Variants in FAT1 observed in about 807,000 individuals in gnomAD.
The protein encoded by FAT1 is FAT atypical cadherin 1.
FAT1 carries 171 observed loss-of-function variants against 329.8 expected under a neutral mutation model. That is an observed-to-expected ratio of 0.52 (90% CI 0.46 to 0.59). The LOEUF (loss-of-function observed/expected upper bound fraction) is 0.59, where lower values mean the gene tolerates loss of function less well. FAT1 is among the 20% of genes least tolerant of loss of function. The pLI is 0.00. For missense variants in FAT1, 5,672 were observed against 5,774.4 expected (o/e 0.98, Z 0.57); for synonymous variants, 2,233 against 2,228.6 (o/e 1.00, Z -0.06).
chr4:186,608,040 C>T (rs1739229783), intron 16 of FAT1, among the ~76,000 whole-genome samples: 1 of 152,202 alleles, frequency 6.6e-6, no homozygotes, highest in Admixed American at 6.5e-5. Flanking sequence ...ATTAGCCTCT[C>T]CCATCCCTTA....
chr4:186,614,056 T>C, intron 12 of FAT1, 135 bp downstream of exon 12: 1 of 677,562 alleles, frequency 1.5e-6, no homozygotes. Flanking sequence ...TTCTAAGAGA[T>C]GTCAACTTCG....
At chr4:186,693,468 C>T (rs1025782932) in intron 2 of FAT1, among the ~76,000 whole-genome samples, 2 of 114,404 alleles carry the variant, frequency 1.7e-5, no homozygotes, top group African/African-American at 7.5e-5. Flanking sequence ...CCCAGAACCC[C>T]GAGACCACCA....
At chr4:186,654,577 G>A (rs976595618) in intron 3 of FAT1, among the ~76,000 whole-genome samples, 16 of 152,054 alleles carry the variant, frequency 1.1e-4, no homozygotes, top group Non-Finnish European at 2.4e-4. Context: ...TAATGAGATG[G>A]GATTTTGAGT....
intron 3 of FAT1, among the ~76,000 whole-genome samples, chr4:186,662,930 G>A (rs539632634): frequency 3.9e-5 from 6 of 151,906 alleles, no homozygotes; most frequent in African/African-American, 1.2e-4. Context: ...TCCGCCCCCC[G>A]GGTTCACGCC....
intron 26 of FAT1, among the ~76,000 whole-genome samples, chr4:186,595,109 A>C (rs1738436679): frequency 6.6e-6 from 1 of 152,176 alleles, no homozygotes; most frequent in Non-Finnish European, 1.5e-5. Context: ...CCACTGTTAA[A>C]CTTTCTTCAT....
chr4:186,709,276 A>C lies in FAT1; in HGVS notation c.552T>G (p.Phe184Leu), dbSNP rs1184682353. The change falls in exon 2 of 27, where the codon TTT becomes TTG. Residue 184 changes from phenylalanine (F) to leucine (L), a missense_variant. Physicochemically the swap from Phe to Leu is conservative, Grantham distance 22. Around this residue, in one of 2 missense-constraint regions of FAT1, gnomAD observed 3,966 missense variants for 3,915.2 expected, o/e 1.01. Transcript: ENST00000441802. ...TDADIGTNGE[F>L]YYSFKDRTDM... ...CTGTTCGATCTTTAAAACTGTAGTAAAATTCCCCGTTGGTTCCTATGTCTG... is the reference window on the plus strand; with the variant it reads ...CTGTTCGATCTTTAAAACTGTAGTACAATTCCCCGTTGGTTCCTATGTCTG... The C allele has an allele frequency of 6.2e-7, 1 of 1,613,850 alleles. No homozygotes were observed. Among genetic ancestry groups the C allele is most frequent in the African/African-American group, 1.3e-5 (1 of 74,908 alleles).
At chr4:186,590,317 G>C in intron 26 of FAT1, 1 of 1,208,692 alleles carries the variant, frequency 8.3e-7, no homozygotes, top group Non-Finnish European at 1.1e-6. Flanking sequence ...GGCAAGGCTT[G>C]ACCCATTGTT....
Position 186,603,851 on chromosome 4 carries a change from ATTC to A in FAT1, c.10672_10674del (p.Glu3558del), listed in dbSNP as rs762242934. On this transcript the variant is annotated inframe_deletion, in exon 19 of 27. Transcript: ENST00000441802. ...ATCTTCCCAATGACGCCACCTGAGT[ATTC>A]TTCTCCAGAAGAGGTGATGAAAATC... is the stretch of plus-strand genomic sequence containing the variant. 2.5e-6 allele frequency: 4 copies of A among 1,613,958 alleles called. No homozygotes were observed. Among genetic ancestry groups the A allele is most frequent in the Non-Finnish European group, 3.4e-6 (4 of 1,179,892 alleles).
At chr4:186,720,244 C>T (rs1352810571) in intron 1 of FAT1, among the ~76,000 whole-genome samples, 1 of 152,306 alleles carries the variant, frequency 6.6e-6, no homozygotes, top group South Asian at 2.1e-4. Flanking sequence ...TCCTCACATA[C>T]AGCTTATTTG....
chr4:186,602,911 T>A lies in FAT1; in HGVS notation c.11474A>T (p.Gln3825Leu). The change falls in exon 20 of 27, where the codon CAG (glutamine) becomes CTG (leucine). Residue 3825 changes from glutamine to leucine, a missense_variant. By Grantham distance (113) the Gln-to-Leu change is moderately radical. This residue lies in a region of FAT1 where 1,706 missense variants were observed against 1,859.1 expected (regional missense o/e 0.92). Coordinates refer to ENST00000441802, the MANE Select transcript of FAT1 (RefSeq NM_005245.4). ...TCVCPSGRFG[Q>L]CPGSSSMTLT... Reference sequence around the variant, plus strand: ...AACCATTCAACTCTCACCTGGGCACTGACCAAACCTGCCGCTGGGACAGAC... The same window carrying A: ...AACCATTCAACTCTCACCTGGGCACAGACCAAACCTGCCGCTGGGACAGAC... 6.2e-7 allele frequency: 1 copy of A among 1,613,870 alleles called. No individual in the cohort carries two copies. Among genetic ancestry groups the A allele is most frequent in the Non-Finnish European group, 8.5e-7 (1 of 1,179,798 alleles).
At chr4:186,710,731 C>T (rs1371311900) in intron 1 of FAT1, among the ~76,000 whole-genome samples, 1 of 152,140 alleles carries the variant, frequency 6.6e-6, no homozygotes, top group Non-Finnish European at 1.5e-5. Flanking sequence ...CCCTGGGCCC[C>T]TCCATGAGAA....
upstream of FAT1, among the ~76,000 whole-genome samples, chr4:186,724,841 G>A (rs1359596472): frequency 6.6e-6 from 1 of 152,230 alleles, no homozygotes; most frequent in Non-Finnish European, 1.5e-5. This position sits in a 1 kb window ranked among gnomAD's most constrained non-coding sequence, Gnocchi z 5.3. Flanking sequence ...TTTAACACTG[G>A]GAAGACAAAG....
At chr4:186,605,297 G>A (rs1310825015) in intron 17 of FAT1, among the ~76,000 whole-genome samples, 3 of 120,684 alleles carry the variant, frequency 2.5e-5, no homozygotes, top group African/African-American at 9.6e-5. Context: ...GACAAGAGGA[G>A]GAAAAGTGAG....
rs1171946790 is a variant in FAT1 at position 186,620,784 on chromosome 4, A to C, written c.5802T>G (p.Gly1934=). The change falls in exon 10 of 27, where the codon GGT becomes GGG. Residue 1934 remains glycine, a synonymous_variant. Transcript: ENST00000441802. ...GAGTTGTGTTTTGGACAGTGAGAGCACCAGTCTTGTAGTCCATAGAAAACT... is the reference window on the plus strand; with the variant it reads ...GAGTTGTGTTTTGGACAGTGAGAGCCCCAGTCTTGTAGTCCATAGAAAACT... The part of the protein sequence containing the change: ...GEKFSMDYKT[G]ALTVQNTTQL... The C allele has an allele frequency of 2.5e-6, 4 of 1,614,032 alleles. No individual in the cohort carries two copies. The highest frequency in any genetic ancestry group is 3.4e-6 in the Non-Finnish European group (4 of 1,179,894).
intron 22 of FAT1, chr4:186,598,413 C>A: frequency 3.6e-6 from 1 of 281,460 alleles, no homozygotes; most frequent in Non-Finnish European, 6.6e-6. Context: ...ACCTGAGTGA[C>A]CATGTACGTA....
Position 186,709,177 on chromosome 4 carries a change from G to A in FAT1, c.651C>T (p.Leu217=), listed in dbSNP as rs758991188. Residue 217 remains leucine, a synonymous_variant, in exon 2 of 27, where the codon CTC becomes CTT. Coordinates refer to ENST00000441802, the MANE Select transcript of FAT1 (RefSeq NM_005245.4). ...CCGCAGCGAGGATTTCCATCTCATA[G>A]AGCTTGGTCTCTAGGTAATCAAGTC... ...TGRLDYLETK[L]YEMEILAADR... The A allele has an allele frequency of 6.2e-7, 1 of 1,613,950 alleles. No individual in the cohort carries two copies. Among genetic ancestry groups the A allele is most frequent in the Non-Finnish European group, 8.5e-7 (1 of 1,179,888 alleles).
intron 3 of FAT1, among the ~76,000 whole-genome samples, chr4:186,642,316 C>A (rs11132405): frequency 0.025 from 3,741 of 152,248 alleles, 165 homozygotes; most frequent in African/African-American, 0.085. Flanking sequence ...CATAATATTA[C>A]TCCACAGTAT....
At chr4:186,684,532 C>A (rs1218107254) in intron 2 of FAT1, among the ~76,000 whole-genome samples, 1 of 152,152 alleles carries the variant, frequency 6.6e-6, no homozygotes, top group Non-Finnish European at 1.5e-5. Context: ...TGACGCTCGG[C>A]CCGTTTTCAA....
intron 25 of FAT1, among the ~76,000 whole-genome samples, 166 bp from the exon 26 acceptor site, chr4:186,595,992 A>T (rs1738491172): frequency 6.6e-6 from 1 of 152,146 alleles, no homozygotes; most frequent in Non-Finnish European, 1.5e-5. Context: ...ACGAAGAAAT[A>T]AAAAACCCCT....
Sources: gnomAD v4.1 joint callset for allele counts (sites outside exome capture counted in the v4.1 genomes callset) on GRCh38, gnomAD v4.1.1 for gene constraint, gnomAD v4.1.1 regional missense constraint, Gnocchi (gnomAD v3.1) non-coding constraint, MANE v1.5 for transcripts, NCBI Gene and HGNC (gene_info 2026-07-23, HGNC 2026-07-21) for gene names.